ADNP: variants seen among roughly 807,000 people sequenced by gnomAD.
The protein encoded by ADNP is activity-dependent neuroprotector homeobox protein.
In ADNP, 4 loss-of-function variants were observed where a neutral mutation model predicts 84.9. That is an observed-to-expected ratio of 0.05 (90% CI 0.02 to 0.11). The LOEUF (loss-of-function observed/expected upper bound fraction) is 0.11, where lower values mean the gene tolerates loss of function less well. ADNP is among the 10% of genes least tolerant of loss of function. The probability of loss-of-function intolerance (pLI) is 1.00; values close to 1 mark genes in which losing one functional copy is unlikely to be tolerated. For synonymous variants in ADNP, 554 were observed against 468.1 expected, an observed-to-expected ratio of 1.18 and a Z score of -2.37; for missense variants, 1,132 against 1,326.0, an observed-to-expected ratio of 0.85 and a Z score of 2.27.
intron 5 of ADNP, among the ~76,000 whole-genome samples, chr20:50,896,246 A>G (rs1568714403): frequency 2.0e-5 from 3 of 152,136 alleles, no homozygotes. Context: ...AAAACCCCCA[A>G]AACAAACACA....
Position 50,925,442 on chromosome 20 carries a change from G to A in ADNP, c.-90+3209C>T, listed in dbSNP as rs139963089. On this transcript the variant is annotated intron_variant, in intron 2 of 5. Transcript: ENST00000621696. The stretch of plus-strand genomic sequence containing the variant: ...CAAAGGTAGGTCATAACATAACGCA[G>A]GTGTAGGGAGTACTAAGACACTGAG... Among the ~76,000 whole-genome samples the A allele has an allele frequency of 2.9e-3, 444 of 152,208 alleles. 1 individual carries two copies. Among genetic ancestry groups the A allele is most frequent in the African/African-American group, 0.01 (428 of 41,524 alleles).
In ADNP at chr20:50,890,158, A is replaced by AAAAAAAAAAG. The variant is rs1980529790; in HGVS notation, c.*1246_*1247insCTTTTTTTTT. 1 of 231,852 alleles carries AAAAAAAAAAG rather than the reference A, an allele frequency of 4.3e-6. No homozygotes were observed. Among genetic ancestry groups the AAAAAAAAAAG allele is most frequent in the East Asian group, 6.9e-5 (1 of 14,568 alleles). The allele number at this position is 231,852 out of a possible 1,614,324, so 14.4% of individuals were successfully genotyped here. A position where few individuals can be genotyped will look rare whatever the true frequency, so the allele number is the denominator to read the frequency against. ...AAAAAAAAAAAAAAAAAAAAAAAAA[A>AAAAAAAAAAG]AAAGAAAAACAGATTTTGTACCAGG... On this transcript the variant is annotated 3_prime_UTR_variant, in exon 6 of 6. Coordinates refer to ENST00000621696, the MANE Select transcript of ADNP (RefSeq NM_001282531.3).
chr20:50,908,647 A>G (rs187261628), intron 2 of ADNP, among the ~76,000 whole-genome samples: 189 of 152,054 alleles, frequency 1.2e-3, no homozygotes, highest in Non-Finnish European at 1.8e-3. Context: ...GGTGGTGGGC[A>G]CCTGTAGTCC....
chr20:50,917,089 T>C (rs1983565735), intron 2 of ADNP, among the ~76,000 whole-genome samples: 1 of 152,210 alleles, frequency 6.6e-6, no homozygotes, highest in Admixed American at 6.5e-5. Context: ...GAGCTGGGTC[T>C]TGAAGCCACC....
intron 2 of ADNP, among the ~76,000 whole-genome samples, chr20:50,907,426 C>T (rs1203385555): frequency 1.3e-5 from 2 of 151,984 alleles, no homozygotes; most frequent in African/African-American, 4.8e-5. Context: ...ACCACCACAT[C>T]GTGCTAATTT....
chr20:50,891,305 G>A lies in ADNP; in HGVS notation c.*100C>T. 1 of 1,447,740 alleles carries A rather than the reference G, an allele frequency of 6.9e-7. No individual in the cohort carries two copies. The highest frequency in any genetic ancestry group is 9.0e-7 in the Non-Finnish European group (1 of 1,107,020). 89.7% of individuals were successfully genotyped at this position (1,447,740 alleles called of 1,614,324 possible). A position where few individuals can be genotyped will look rare whatever the true frequency, so the allele number is the denominator to read the frequency against. On this transcript the variant is annotated 3_prime_UTR_variant, in exon 6 of 6. Coordinates refer to ENST00000621696, the MANE Select transcript of ADNP (RefSeq NM_001282531.3). ...GGCCACATGCCCCACAGTCCAACCA[G>A]TACTCACAAGGCAGTACCAGTGAGA...
intron 5 of ADNP, 100 bp downstream of exon 5, chr20:50,901,917 G>C: frequency 5.7e-6 from 5 of 883,026 alleles, no homozygotes; most frequent in Non-Finnish European, 9.3e-6. Flanking sequence ...TCGATGTTTG[G>C]CACTTGCCCG....
chr20:50,921,007 CAT>C (rs143569429), intron 2 of ADNP, among the ~76,000 whole-genome samples: 4,948 of 152,242 alleles, frequency 0.033, 259 homozygotes, highest in African/African-American at 0.11. Flanking sequence ...TGATCCTACA[CAT>C]GTTATTTAAC....
chr20:50,910,618 A>G (rs1982936025), intron 2 of ADNP, among the ~76,000 whole-genome samples: 1 of 152,168 alleles, frequency 6.6e-6, no homozygotes, highest in Admixed American at 6.5e-5. Flanking sequence ...GCTTTTTGGT[A>G]AGCACATGCC....
chr20:50,926,612 A>C (rs1463293125), intron 2 of ADNP, among the ~76,000 whole-genome samples: 1 of 152,204 alleles, frequency 6.6e-6, no homozygotes, highest in Admixed American at 6.5e-5. Context: ...ACTACACGTG[A>C]TACTTGAACT....
chr20:50,929,555 T>TA (rs995820696), intron 1 of ADNP, among the ~76,000 whole-genome samples: 1 of 152,152 alleles, frequency 6.6e-6, no homozygotes, highest in Non-Finnish European at 1.5e-5. Flanking sequence ...TCTGCAGCCT[T>TA]ACCCAGTGCA....
At position 50,889,731 on chromosome 20, in the gene ADNP, T is replaced by C. The variant is rs1600921045; in HGVS notation, c.*1674A>G. The stretch of plus-strand genomic sequence containing the variant: ...TCATTGTTTTAATTGCTGGAAATGT[T>C]GGCCTAATTCTGCTTCCTTGTAACT... On this transcript the variant is annotated 3_prime_UTR_variant, in exon 6 of 6. Transcript: ENST00000621696. 1 of 395,294 alleles carries C rather than the reference T, an allele frequency of 2.5e-6. No individual in the cohort carries two copies. The highest frequency in any genetic ancestry group is 2.1e-5 in the African/African-American group (1 of 48,692). The allele number at this position is 395,294 out of a possible 1,614,324, so 24.5% of individuals were successfully genotyped here. A position where few individuals can be genotyped will look rare whatever the true frequency, so the allele number is the denominator to read the frequency against.
At chr20:50,904,193 A>ATCCTTCCT in intron 3 of ADNP, 192 bp from the exon 4 acceptor site, 1 of 566,510 alleles carries the variant, frequency 1.8e-6, no homozygotes, top group Non-Finnish European at 3.1e-6. Context: ...CCATCCATCC[A>ATCCTTCCT]TCCTTCCTTC....
chr20:50,906,617 G>A (rs866958949), intron 2 of ADNP, among the ~76,000 whole-genome samples: 2 of 152,140 alleles, frequency 1.3e-5, no homozygotes, highest in Admixed American at 6.5e-5. Context: ...AGAATCAAGC[G>A]GCAGCTTGGG....
intron 2 of ADNP, among the ~76,000 whole-genome samples, chr20:50,927,264 C>T (rs1442784283): frequency 1.3e-5 from 2 of 152,074 alleles, no homozygotes; most frequent in African/African-American, 4.8e-5. Flanking sequence ...TCAATGACTT[C>T]CAAGGTTGGA....
intron 5 of ADNP, among the ~76,000 whole-genome samples, chr20:50,897,236 C>A (rs1182394805): frequency 6.6e-6 from 1 of 152,226 alleles, no homozygotes; most frequent in South Asian, 2.1e-4. Flanking sequence ...CCACCAAGCC[C>A]GGCCACGTGT....
At chr20:50,916,702 T>TA (rs1408700764) in intron 2 of ADNP, among the ~76,000 whole-genome samples, 3 of 152,128 alleles carry the variant, frequency 2.0e-5, no homozygotes, top group African/African-American at 7.2e-5. Context: ...ACATATGACA[T>TA]AAAAAATATT....
intron 5 of ADNP, among the ~76,000 whole-genome samples, chr20:50,898,029 C>G (rs569459928): frequency 6.6e-6 from 1 of 152,258 alleles, no homozygotes; most frequent in East Asian, 1.9e-4. Flanking sequence ...ACATTGCCCC[C>G]AAGCAAGACT....
At chr20:50,926,553 G>C (rs1294640327) in intron 2 of ADNP, among the ~76,000 whole-genome samples, 1 of 152,056 alleles carries the variant, frequency 6.6e-6, no homozygotes, top group Non-Finnish European at 1.5e-5. Flanking sequence ...ACTACACTTA[G>C]ATGTATTGTC....
Sources: allele counts gnomAD v4.1 joint callset (sites outside exome capture counted in the v4.1 genomes callset), GRCh38; gene constraint gnomAD v4.1.1; transcripts MANE v1.5; gene names NCBI Gene and HGNC (gene_info 2026-07-23, HGNC 2026-07-21).